STXBP4: variants seen among roughly 807,000 people sequenced by gnomAD.
STXBP4 encodes the protein syntaxin binding protein 4.
A neutral mutation model predicts 76.1 loss-of-function variants in STXBP4; 55 were observed. The observed-to-expected ratio is 0.72, with a 90% CI of 0.58 to 0.91. STXBP4 has a LOEUF of 0.91. STXBP4 is among the 40% of genes least tolerant of loss of function. The pLI is 0.00. For synonymous variants in STXBP4, 201 were observed against 220.2 expected, an observed-to-expected ratio of 0.91 and a Z score of 0.77; for missense variants, 618 against 636.9, an observed-to-expected ratio of 0.97 and a Z score of 0.32.
intron 17 of STXBP4, among the ~76,000 whole-genome samples, chr17:55,144,039 ACAC>A (rs1335679017): frequency 6.8e-6 from 1 of 147,960 alleles, no homozygotes; most frequent in African/African-American, 2.6e-5. Flanking sequence ...ACACACACAC[ACAC>A]ACACACACGC....
rs2080382419 is a variant in STXBP4, at chr17:55,167,455, T to C, written c.*7544T>C. 1 of 152,194 alleles carries C rather than the reference T, an allele frequency of 6.6e-6. No homozygotes were observed. Among genetic ancestry groups the C allele is most frequent in the Admixed American group, 6.5e-5 (1 of 15,274 alleles). 9.4% of individuals were successfully genotyped at this position (152,194 alleles called of 1,614,324 possible). On this transcript the variant is annotated 3_prime_UTR_variant, in exon 18 of 18. Coordinates refer to ENST00000376352, the MANE Select transcript of STXBP4 (RefSeq NM_178509.6). ...TCTGTACTAACTAGTTCCACTAATGTGGGAACAATATAATGGATTTTGCTG... is the reference window on the plus strand; with the variant it reads ...TCTGTACTAACTAGTTCCACTAATGCGGGAACAATATAATGGATTTTGCTG...
chr17:55,212,554 G>T, the STXBP4 span, among the ~76,000 whole-genome samples: 5 of 151,910 alleles, frequency 3.3e-5, no homozygotes, highest in Non-Finnish European at 7.4e-5. Context: ...CAATTTATTC[G>T]CATTCTCTTT....
chr17:55,036,073 T>C (rs1261992314), intron 10 of STXBP4, among the ~76,000 whole-genome samples: 1 of 152,054 alleles, frequency 6.6e-6, no homozygotes, highest in African/African-American at 2.4e-5. Flanking sequence ...CGTTATTAAC[T>C]GTAGTCGCCA....
At chr17:55,122,055 A>G (rs892056158) in intron 16 of STXBP4, among the ~76,000 whole-genome samples, 3 of 152,076 alleles carry the variant, frequency 2.0e-5, no homozygotes, top group Admixed American at 6.6e-5. Context: ...GTTATCTGTC[A>G]TTTTTACCAG....
At chr17:55,115,217 A>G (rs1033183761) in intron 16 of STXBP4, among the ~76,000 whole-genome samples, 1 of 151,900 alleles carries the variant, frequency 6.6e-6, no homozygotes, top group African/African-American at 2.4e-5. Context: ...TTTTCTAAGT[A>G]TCTTGCAGTA....
At chr17:55,122,045 G>A (rs900662802) in intron 16 of STXBP4, among the ~76,000 whole-genome samples, 9 of 152,056 alleles carry the variant, frequency 5.9e-5, no homozygotes, top group Non-Finnish European at 1.2e-4. Flanking sequence ...AGCTACTTGG[G>A]TTATCTGTCA....
chr17:55,049,179 A>G (rs2078828131), intron 12 of STXBP4, among the ~76,000 whole-genome samples: 1 of 152,030 alleles, frequency 6.6e-6, no homozygotes, highest in South Asian at 2.1e-4. Flanking sequence ...TATCAAGGCC[A>G]TAGAAAACAG....
At chr17:55,047,057 C>T in intron 11 of STXBP4, 32 bp from the exon 12 acceptor site, 1 of 1,359,250 alleles carries the variant, frequency 7.4e-7, no homozygotes, top group Non-Finnish European at 1.0e-6. Flanking sequence ...ACTTTCATAA[C>T]AAGTTGTTAA....
intron 12 of STXBP4, among the ~76,000 whole-genome samples, chr17:55,068,810 A>G (rs1229028232): frequency 6.6e-6 from 1 of 152,188 alleles, no homozygotes; most frequent in Non-Finnish European, 1.5e-5. Context: ...ACAGAGCCAG[A>G]AAATTTTTAA....
intron 8 of STXBP4, among the ~76,000 whole-genome samples, chr17:55,018,415 C>G (rs1232855251): frequency 6.6e-6 from 1 of 152,154 alleles, no homozygotes; most frequent in Non-Finnish European, 1.5e-5. Context: ...ATAACAAACA[C>G]AGACCAGAAG....
intron 10 of STXBP4, among the ~76,000 whole-genome samples, chr17:55,040,720 T>C (rs2078683533): frequency 1.3e-5 from 2 of 152,160 alleles, no homozygotes; most frequent in African/African-American, 4.8e-5. Flanking sequence ...ACAATGTTAT[T>C]TACCAGCTGT....
chr17:55,086,355 G>C (rs1054812902), intron 16 of STXBP4, among the ~76,000 whole-genome samples: 1 of 152,082 alleles, frequency 6.6e-6, no homozygotes, highest in African/African-American at 2.4e-5. Flanking sequence ...AGAGTAACTA[G>C]CATATCTATC....
At chr17:54,999,508 G>C (rs1250555659) in intron 5 of STXBP4, 57 bp downstream of exon 5, 1 of 1,502,944 alleles carries the variant, frequency 6.7e-7, no homozygotes, top group African/African-American at 1.4e-5. Flanking sequence ...CTTGAAAGCA[G>C]TAATTTAAGA....
intron 16 of STXBP4, among the ~76,000 whole-genome samples, chr17:55,139,669 C>G (rs948963790): frequency 6.6e-6 from 1 of 152,070 alleles, no homozygotes; most frequent in African/African-American, 2.4e-5. Flanking sequence ...GCAGTGAACA[C>G]TAGAGGAGAC....
chr17:55,138,693 T>G (rs1347397302), intron 16 of STXBP4, among the ~76,000 whole-genome samples: 2 of 152,148 alleles, frequency 1.3e-5, no homozygotes, highest in African/African-American at 4.8e-5. Flanking sequence ...TAGGAAAATT[T>G]TAAAACAATA....
chr17:54,986,871 A>C (rs910922896), intron 3 of STXBP4, among the ~76,000 whole-genome samples: 1 of 152,176 alleles, frequency 6.6e-6, no homozygotes, highest in African/African-American at 2.4e-5. Flanking sequence ...TATACCAGAT[A>C]ATGTAGGATG....
intron 17 of STXBP4, among the ~76,000 whole-genome samples, chr17:55,145,615 T>C (rs1431369525): frequency 1.3e-5 from 2 of 152,220 alleles, no homozygotes; most frequent in African/African-American, 4.8e-5. Context: ...TCTACTTAAA[T>C]TCTGATGCAA....
intron 1 of STXBP4, among the ~76,000 whole-genome samples, chr17:54,973,897 G>C (rs919192046): frequency 6.6e-6 from 1 of 152,030 alleles, no homozygotes; most frequent in East Asian, 1.9e-4. Flanking sequence ...AACTCTTTCT[G>C]GTTAGCTATA....
chr17:55,017,253 C>T (rs904674035), intron 8 of STXBP4, among the ~76,000 whole-genome samples: 1 of 152,090 alleles, frequency 6.6e-6, no homozygotes, highest in Non-Finnish European at 1.5e-5. Context: ...TCCTCTCTGC[C>T]TCTGTCTCTC....
Sources: gnomAD v4.1 joint callset for allele counts (sites outside exome capture counted in the v4.1 genomes callset) on GRCh38, gnomAD v4.1.1 for gene constraint, MANE v1.5 for transcripts, NCBI Gene and HGNC (gene_info 2026-07-23, HGNC 2026-07-21) for gene names.